Variants in ZNF654 observed in about 807,000 individuals in gnomAD.
ZNF654 encodes melanoma-associated antigen.
ZNF654 carries 19 observed loss-of-function variants against 95.3 expected under a neutral mutation model. The ratio of observed to expected loss-of-function variants is 0.20; its 90% confidence interval spans 0.14 to 0.29. The LOEUF is 0.29. Among genes scored for constraint, ZNF654 ranks in the 10% least tolerant of loss-of-function variants. The pLI, the probability that ZNF654 is intolerant of heterozygous loss-of-function variation, is 1.00. For missense variants in ZNF654, 1,046 were observed against 1,341.0 expected, an observed-to-expected ratio of 0.78 and a Z score of 3.44; for synonymous variants, 413 against 457.9, an observed-to-expected ratio of 0.90 and a Z score of 1.25.
At chr3:88,127,121 A>G (rs984277457) in intron 4 of ZNF654, among the ~76,000 whole-genome samples, 15 of 152,210 alleles carry the variant, frequency 9.9e-5, no homozygotes, top group African/African-American at 3.6e-4. Context: ...AACATTTAAA[A>G]GTGTGGAGAG....
At chr3:88,072,624 T>C (rs1031579860) in intron 1 of ZNF654, among the ~76,000 whole-genome samples, 4 of 152,188 alleles carry the variant, frequency 2.6e-5, no homozygotes, top group Admixed American at 2.6e-4. Flanking sequence ...AGGCCTTCCC[T>C]GAACACCCCA....
In ZNF654 at chr3:88,126,258, C is replaced by A; in HGVS notation, c.539C>A (p.Ser180Tyr). ...GCTGTCCTTAAAGCTCAGCCAGCATCTCAGGAGATAGGTACTTCAGGAGAT... is the reference window on the plus strand; with the variant it reads ...GCTGTCCTTAAAGCTCAGCCAGCATATCAGGAGATAGGTACTTCAGGAGAT... ...LQAVLKAQPA[S>Y]QEIVNKYLSS... Residue 180 changes from serine (S) to tyrosine (Y), a missense_variant, in exon 4 of 9, where the codon TCT becomes TAT. Ser to Tyr is a moderately radical substitution (Grantham distance 144). This residue lies in a region of ZNF654 where 91 missense variants were observed against 190.5 expected (regional missense o/e 0.48). Coordinates refer to ENST00000636215, the MANE Select transcript of ZNF654 (RefSeq NM_001350134.2). The A allele has an allele frequency of 2.6e-6, 4 of 1,514,242 alleles. No individual in the cohort carries two copies. The highest frequency in any genetic ancestry group is 8.8e-7 in the Non-Finnish European group (1 of 1,135,560). 93.8% of individuals were successfully genotyped at this position (1,514,242 alleles called of 1,614,324 possible). A position where few individuals can be genotyped will look rare whatever the true frequency, so the allele number is the denominator to read the frequency against.
intron 1 of ZNF654, among the ~76,000 whole-genome samples, chr3:88,070,577 T>G (rs1363248136): frequency 6.7e-6 from 1 of 149,782 alleles, no homozygotes; most frequent in African/African-American, 2.5e-5. Flanking sequence ...TTTTTTTTTT[T>G]TTTTTTTTTT....
At position 88,140,581 on chromosome 3, in the gene ZNF654, G is replaced by T. The variant is rs756158315; in HGVS notation, c.2912G>T (p.Cys971Phe). 1.9e-6 allele frequency: 3 copies of T among 1,613,708 alleles called. No individual in the cohort carries two copies. Among genetic ancestry groups the T allele is most frequent in the East Asian group, 2.2e-5 (1 of 44,878 alleles). The change falls in exon 8 of 9, where the codon TGT becomes TTT. Residue 971 changes from cysteine to phenylalanine, a missense_variant. By Grantham distance (205) the Cys-to-Phe change is radical. Coordinates refer to ENST00000636215, the MANE Select transcript of ZNF654 (RefSeq NM_001350134.2). ...PDIEPNSENNCSSSDIVNGHS... is the reference protein window; with the variant it reads ...PDIEPNSENNFSSSDIVNGHS... ...ATAGAGCCAAATTCTGAAAATAATT[G>T]TAGTAGTAGTGATATAGTCAATGGA...
intron 1 of ZNF654, among the ~76,000 whole-genome samples, chr3:88,081,408 TTCAC>T (rs983391706): frequency 5.5e-4 from 84 of 152,284 alleles, no homozygotes; most frequent in African/African-American, 1.8e-3. Flanking sequence ...TCCTCAAATT[TTCAC>T]TCACTATTAG....
intron 1 of ZNF654, among the ~76,000 whole-genome samples, chr3:88,071,038 A>G (rs1447419917): frequency 1.3e-5 from 2 of 152,204 alleles, no homozygotes; most frequent in Admixed American, 6.5e-5. Flanking sequence ...AAACTCATTC[A>G]TCGGTTCTCA....
At chr3:88,078,135 A>G (rs1260770460) in intron 1 of ZNF654, among the ~76,000 whole-genome samples, 4 of 152,186 alleles carry the variant, frequency 2.6e-5, no homozygotes, top group African/African-American at 7.2e-5. Flanking sequence ...TTGTTAAACT[A>G]GTTAGTAGGG....
intron 2 of ZNF654, among the ~76,000 whole-genome samples, chr3:88,108,008 G>A (rs1704850413): frequency 6.6e-6 from 1 of 151,722 alleles, no homozygotes; most frequent in Non-Finnish European, 1.5e-5. Context: ...TTTATATTGT[G>A]TTTGTATTTT....
intron 1 of ZNF654, among the ~76,000 whole-genome samples, chr3:88,068,092 A>G (rs1707306013): frequency 6.6e-6 from 1 of 152,296 alleles, no homozygotes; most frequent in East Asian, 1.9e-4. Context: ...AAGTTCATCT[A>G]TTAAGAGTAC....
Position 88,060,359 on chromosome 3 carries a change from C to T in ZNF654, c.186+854C>T, listed in dbSNP as rs543234607. Among the ~76,000 whole-genome samples the T allele has an allele frequency of 9.9e-5, 15 of 152,248 alleles. No individual in the cohort carries two copies. In the East Asian group the frequency reaches 2.7e-3, roughly 27 times the overall value. ...TCAAAGTGTTTGTAATCAAATATAA[C>T]AAATATACCCCTACTTTTTTAGGGG... On this transcript the variant is annotated intron_variant, in intron 1 of 8. Coordinates refer to ENST00000636215, the MANE Select transcript of ZNF654 (RefSeq NM_001350134.2).
intron 4 of ZNF654, among the ~76,000 whole-genome samples, chr3:88,127,230 A>G (rs1194755738): frequency 6.6e-6 from 1 of 152,174 alleles, no homozygotes; most frequent in Non-Finnish European, 1.5e-5. Context: ...AAGACATTTC[A>G]TACCACAAAT....
At chr3:88,107,422 A>G (rs575110382) in intron 2 of ZNF654, among the ~76,000 whole-genome samples, 3 of 152,270 alleles carry the variant, frequency 2.0e-5, no homozygotes, top group African/African-American at 7.2e-5. Flanking sequence ...TTCTCTGTTT[A>G]TCCACTGCTC....
chr3:88,083,947 A>ATATATATATATATATATATG (rs1708213079), intron 1 of ZNF654, among the ~76,000 whole-genome samples: 2 of 4,818 alleles, frequency 4.2e-4, no homozygotes, highest in Non-Finnish European at 2.7e-3. Flanking sequence ...TATTTTATAT[A>ATATATATATATATATATATG]TATATATATA....
chr3:88,105,473 A>G (rs1704681560), intron 2 of ZNF654, among the ~76,000 whole-genome samples: 1 of 152,152 alleles, frequency 6.6e-6, no homozygotes, highest in African/African-American at 2.4e-5. Flanking sequence ...CCTGTTATAA[A>G]TAGTGCTATG....
At position 88,102,345 on chromosome 3, in the gene ZNF654, C is replaced by T. The variant is rs1704476076; in HGVS notation, c.333-10770C>T. The stretch of plus-strand genomic sequence containing the variant: ...CTTGCAGCTCATTAATAGCTCTAGT[C>T]GTTTTTTGTCTTTCTCTTTTATTTT... On this transcript the variant is annotated intron_variant, in intron 2 of 8. Coordinates refer to ENST00000636215, the MANE Select transcript of ZNF654 (RefSeq NM_001350134.2). 2.6e-5 allele frequency among the ~76,000 whole-genome samples: 4 copies of T among 152,098 alleles called. No homozygotes were observed. In the South Asian group the frequency reaches 6.2e-4, roughly 24 times the overall value.
At chr3:88,080,575 G>A (rs1288477737) in intron 1 of ZNF654, among the ~76,000 whole-genome samples, 1 of 152,094 alleles carries the variant, frequency 6.6e-6, no homozygotes, top group Admixed American at 6.5e-5. Context: ...TGACAGAGCT[G>A]GAATTCAAAC....
chr3:88,081,733 G>T (rs958879917), intron 1 of ZNF654, among the ~76,000 whole-genome samples: 4 of 152,082 alleles, frequency 2.6e-5, no homozygotes, highest in African/African-American at 4.8e-5. Flanking sequence ...ACCACAACAA[G>T]TTCCAGGCTC....
chr3:88,105,970 T>C lies in ZNF654; in HGVS notation c.333-7145T>C, dbSNP rs116550679. Among the ~76,000 whole-genome samples the C allele has an allele frequency of 6.3e-3, 964 of 152,306 alleles. 3 individuals are homozygous for C. Among genetic ancestry groups the C allele is most frequent in the Non-Finnish European group, 0.011 (732 of 68,032 alleles). On this transcript the variant is annotated intron_variant, in intron 2 of 8. Transcript: ENST00000636215. ...GGCCTCTTTTTGCTGCTTGGCCCTT[T>C]TACCTTCTGCCATGTAATGATCTAG...
chr3:88,110,072 C>T (rs1704996093), intron 2 of ZNF654, among the ~76,000 whole-genome samples: 1 of 152,060 alleles, frequency 6.6e-6, no homozygotes, highest in East Asian at 1.9e-4. Context: ...TGGATGGTGA[C>T]ATGTTAATAA....
Sources: gnomAD v4.1 joint callset for allele counts (sites outside exome capture counted in the v4.1 genomes callset) on GRCh38, gnomAD v4.1.1 for gene constraint, gnomAD v4.1.1 regional missense constraint, MANE v1.5 for transcripts, NCBI Gene and HGNC (gene_info 2026-07-23, HGNC 2026-07-21) for gene names.